The following ATL1 variants were observed in gnomAD, a reference collection of about 807,000 sequenced individuals.
The protein encoded by ATL1 is atlastin GTPase 1, also known as atlastin-1.
In ATL1, 31 loss-of-function variants were observed where a neutral mutation model predicts 75.5. That is an observed-to-expected ratio of 0.41 (90% CI 0.31 to 0.55). ATL1 has a LOEUF of 0.55. Among genes scored for constraint, ATL1 ranks in the 20% least tolerant of loss-of-function variants. The pLI is 0.27. For missense variants in ATL1, 405 were observed against 662.6 expected (o/e 0.61, Z 4.27); for synonymous variants, 226 against 233.3 (o/e 0.97, Z 0.28).
chr14:50,599,981 G>A (rs1438573624), intron 6 of ATL1, among the ~76,000 whole-genome samples: 2 of 139,636 alleles, frequency 1.4e-5, no homozygotes, highest in Non-Finnish European at 3.1e-5. Flanking sequence ...AGACTCTGTT[G>A]TCTTTTTTTT....
chr14:50,574,957 A>ATG (rs2038991286), intron 1 of ATL1, among the ~76,000 whole-genome samples: 1 of 133,568 alleles, frequency 7.5e-6, no homozygotes, highest in Non-Finnish European at 1.6e-5. Context: ...ATATATATAT[A>ATG]TATATATATA....
intron 1 of ATL1, among the ~76,000 whole-genome samples, chr14:50,546,992 C>T (rs2038641211): frequency 6.6e-6 from 1 of 152,100 alleles, no homozygotes. Flanking sequence ...CCCCTAGCCC[C>T]CCACCCCCCA....
Position 50,628,095 on chromosome 14 carries a change from A to G in ATL1, c.1184A>G (p.Lys395Arg). ...NDLQTKHLQL[K>R]EESVKLFRGV... ...TTGCAGACCAAACACCTGCAACTTA[A>G]GGAAGAATCTGTGAAGCTATTCCGA... The change falls in exon 12 of 14, where the codon AAG becomes AGG. Residue 395 changes from lysine (K) to arginine (R), a missense_variant. Transcript: ENST00000358385. 1 of 1,614,214 alleles carries G rather than the reference A, an allele frequency of 6.2e-7. No homozygotes were observed.
chr14:50,596,558 C>A (rs1242361665), intron 6 of ATL1, among the ~76,000 whole-genome samples: 1 of 152,104 alleles, frequency 6.6e-6, no homozygotes, highest in African/African-American at 2.4e-5. Context: ...GGTGTATGTA[C>A]AAAAGTTTAC....
chr14:50,537,494 GCCACTGT>G (rs3080542), intron 1 of ATL1, among the ~76,000 whole-genome samples: 2,029 of 152,244 alleles, frequency 0.013, 48 homozygotes, highest in African/African-American at 0.046. Context: ...TGAGAAGAGG[GCCACTGT>G]CCTCCAGATC....
chr14:50,565,982 C>T (rs916909721), intron 1 of ATL1, among the ~76,000 whole-genome samples: 3 of 151,878 alleles, frequency 2.0e-5, no homozygotes, highest in Non-Finnish European at 4.4e-5. Flanking sequence ...TTAAGGACAA[C>T]CTGTTTTGTT....
intron 11 of ATL1, among the ~76,000 whole-genome samples, chr14:50,624,534 C>A (rs971132163): frequency 1.3e-5 from 2 of 152,124 alleles, no homozygotes; most frequent in African/African-American, 4.8e-5. Flanking sequence ...TCCCTCTCTG[C>A]AGTCCTTTCT....
At chr14:50,585,662 G>C (rs575170108) in intron 1 of ATL1, among the ~76,000 whole-genome samples, 4 of 152,090 alleles carry the variant, frequency 2.6e-5, no homozygotes, top group East Asian at 1.9e-4. Context: ...CTTCACAAAG[G>C]CTTTCTGATA....
intron 11 of ATL1, among the ~76,000 whole-genome samples, chr14:50,625,484 C>T (rs746327816): frequency 5.3e-5 from 8 of 152,170 alleles, no homozygotes; most frequent in Non-Finnish European, 1.0e-4. Context: ...TTGGAAGATG[C>T]CATCCAGGAC....
At chr14:50,605,199 G>A (rs2039305937) in intron 6 of ATL1, among the ~76,000 whole-genome samples, 2 of 151,246 alleles carry the variant, frequency 1.3e-5, no homozygotes, top group South Asian at 2.1e-4. Flanking sequence ...TAAATCATAC[G>A]TATTATAGGT....
chr14:50,600,367 G>A (rs926319094), intron 6 of ATL1, among the ~76,000 whole-genome samples: 6 of 151,890 alleles, frequency 4.0e-5, no homozygotes, highest in East Asian at 1.9e-4. Flanking sequence ...AAAAGTTTTC[G>A]CTGACTGAGT....
chr14:50,555,675 C>A (rs1329320374), upstream of ATL1, among the ~76,000 whole-genome samples: 1 of 152,154 alleles, frequency 6.6e-6, no homozygotes, highest in Non-Finnish European at 1.5e-5. Context: ...TGTCTTATTT[C>A]AGCCGTTGTA....
In ATL1 at chr14:50,597,975, G is replaced by A. The variant is rs568653638; in HGVS notation, c.630+2343G>A. Among the ~76,000 whole-genome samples, 273 of 152,120 alleles carry A rather than the reference G, an allele frequency of 1.8e-3. 3 individuals are homozygous for A. The highest frequency in any genetic ancestry group is 2.1e-3 in the Non-Finnish European group (140 of 68,024). ...CTCCCAAAGTGCTGGGATTACAGGC[G>A]TGAGCCACCGCACCCGGCCAATAGC... On this transcript the variant is annotated intron_variant, in intron 6 of 13. Coordinates refer to ENST00000358385, the MANE Select transcript of ATL1 (RefSeq NM_015915.5).
intron 6 of ATL1, among the ~76,000 whole-genome samples, chr14:50,601,312 C>A (rs2039270019): frequency 6.6e-6 from 1 of 151,856 alleles, no homozygotes; most frequent in South Asian, 2.1e-4. Context: ...TGTAATCAAG[C>A]AAACAAAAAT....
chr14:50,613,760 T>C (rs1312764102), intron 7 of ATL1, among the ~76,000 whole-genome samples: 1 of 152,180 alleles, frequency 6.6e-6, no homozygotes, highest in African/African-American at 2.4e-5. Flanking sequence ...CAAAAGTGCC[T>C]ACTGGGAAAT....
intron 6 of ATL1, among the ~76,000 whole-genome samples, chr14:50,601,032 C>T (rs2140215335): frequency 6.6e-6 from 1 of 152,254 alleles, no homozygotes; most frequent in South Asian, 2.1e-4. Context: ...CACTTGAGCC[C>T]TGGCGTTTGA....
chr14:50,582,932 G>T (rs900446532), intron 1 of ATL1, among the ~76,000 whole-genome samples: 1 of 152,104 alleles, frequency 6.6e-6, no homozygotes, highest in Admixed American at 6.5e-5. Flanking sequence ...TTGCTACACT[G>T]ATATGTTGGA....
chr14:50,625,309 G>T (rs1253807178), intron 11 of ATL1, among the ~76,000 whole-genome samples: 1 of 152,154 alleles, frequency 6.6e-6, no homozygotes, highest in Non-Finnish European at 1.5e-5. Context: ...AGAGGTTTTT[G>T]GTTCATGAGG....
intron 1 of ATL1, among the ~76,000 whole-genome samples, chr14:50,539,993 AT>A (rs2038540622): frequency 6.6e-6 from 1 of 152,042 alleles, no homozygotes; most frequent in African/African-American, 2.4e-5. Flanking sequence ...GGCCCATACA[AT>A]TTACTCTTTT....
Sources: gnomAD v4.1 joint callset for allele counts (sites outside exome capture counted in the v4.1 genomes callset) on GRCh38, gnomAD v4.1.1 for gene constraint, MANE v1.5 for transcripts, NCBI Gene and HGNC (gene_info 2026-07-23, HGNC 2026-07-21) for gene names.